Variants in RALYL observed in about 807,000 individuals in gnomAD.
The protein encoded by RALYL is RNA-binding Raly-like protein.
Under a neutral mutation model 35.1 loss-of-function variants are expected in RALYL, and 29 were observed. That is an observed-to-expected ratio of 0.83 (90% CI 0.61 to 1.13). RALYL has a LOEUF of 1.13. RALYL is among the 50% of genes most tolerant of loss of function. The pLI, the probability that RALYL is intolerant of heterozygous loss-of-function variation, is 0.00. For synonymous variants in RALYL, 120 were observed against 127.6 expected (o/e 0.94, Z 0.40); for missense variants, 359 against 360.4 (o/e 1.00, Z 0.03).
chr8:84,187,668 A>C (rs183979158), intron 1 of RALYL, among the ~76,000 whole-genome samples: 1 of 152,272 alleles, frequency 6.6e-6, no homozygotes, highest in East Asian at 1.9e-4. Flanking sequence ...TGCCTTAAGA[A>C]TATACAAATT....
chr8:84,879,833 C>A (rs571895594), intron 7 of RALYL, among the ~76,000 whole-genome samples: 94 of 151,964 alleles, frequency 6.2e-4, no homozygotes, highest in African/African-American at 2.2e-3. Flanking sequence ...GGAGTGCTTC[C>A]TGTAGTGCTT....
At chr8:84,322,242 A>G (rs1459384625) in intron 1 of RALYL, among the ~76,000 whole-genome samples, 1 of 152,132 alleles carries the variant, frequency 6.6e-6, no homozygotes, top group Non-Finnish European at 1.5e-5. Flanking sequence ...TGAAGTATCC[A>G]CCAAAGTAGA....
chr8:84,460,140 G>A (rs1374830233), intron 1 of RALYL, among the ~76,000 whole-genome samples: 6 of 151,676 alleles, frequency 4.0e-5, no homozygotes, highest in East Asian at 1.9e-4. Context: ...AATCTTGAAA[G>A]GATAAAATGG....
At chr8:84,650,459 A>T (rs1241571658) in intron 2 of RALYL, among the ~76,000 whole-genome samples, 181 of 152,258 alleles carry the variant, frequency 1.2e-3, no homozygotes, top group Non-Finnish European at 2.0e-3. Context: ...CAGCCAAAAA[A>T]CACATGAAAA....
At chr8:84,548,033 C>T (rs1318380482) in intron 2 of RALYL, among the ~76,000 whole-genome samples, 2 of 151,926 alleles carry the variant, frequency 1.3e-5, no homozygotes, top group East Asian at 3.9e-4. Context: ...AAAATGTGTT[C>T]CCTTAGTATA....
At chr8:84,731,232 G>T (rs1225359417) in intron 2 of RALYL, among the ~76,000 whole-genome samples, 1 of 152,118 alleles carries the variant, frequency 6.6e-6, no homozygotes, top group Non-Finnish European at 1.5e-5. Flanking sequence ...AGAATAGGAG[G>T]CTGAGATCTG....
chr8:84,657,464 G>A (rs1830165731), intron 2 of RALYL, among the ~76,000 whole-genome samples: 2 of 152,120 alleles, frequency 1.3e-5, no homozygotes, highest in East Asian at 1.9e-4. Flanking sequence ...TCTTGTTGGG[G>A]CTGACAGAAA....
intron 1 of RALYL, among the ~76,000 whole-genome samples, chr8:84,507,451 C>T (rs1193480436): frequency 4.6e-5 from 7 of 151,936 alleles, no homozygotes; most frequent in African/African-American, 9.7e-5. Flanking sequence ...GTGAGATAAA[C>T]GATCAGGCTT....
At chr8:84,644,516 G>GA (rs1247982311) in intron 2 of RALYL, among the ~76,000 whole-genome samples, 1 of 151,878 alleles carries the variant, frequency 6.6e-6, no homozygotes, top group Non-Finnish European at 1.5e-5. Context: ...ACATTCTTTA[G>GA]AAAAAAGAAA....
At chr8:84,223,515 A>G (rs909692510) in intron 1 of RALYL, among the ~76,000 whole-genome samples, 2 of 152,160 alleles carry the variant, frequency 1.3e-5, no homozygotes, top group Non-Finnish European at 2.9e-5. Context: ...GTGAGCAATG[A>G]TATGCAGAAA....
chr8:84,605,216 T>G (rs1379566876), intron 2 of RALYL, among the ~76,000 whole-genome samples: 2 of 152,108 alleles, frequency 1.3e-5, no homozygotes, highest in African/African-American at 2.4e-5. Flanking sequence ...AAAAGAACAT[T>G]ATATCTGAAC....
chr8:84,604,099 T>A (rs1816587295), intron 2 of RALYL, among the ~76,000 whole-genome samples: 1 of 152,128 alleles, frequency 6.6e-6, no homozygotes, highest in Non-Finnish European at 1.5e-5. Flanking sequence ...TCTTACCAAT[T>A]AAAAATGAAT....
chr8:84,325,774 T>C (rs111433291), intron 1 of RALYL, among the ~76,000 whole-genome samples: 4,130 of 152,336 alleles, frequency 0.027, 103 homozygotes, highest in Non-Finnish European at 0.031. Flanking sequence ...GGCTAGCAGA[T>C]AACTTTTGGT....
chr8:84,551,258 T>TA (rs1303465677), intron 2 of RALYL, among the ~76,000 whole-genome samples: 3 of 152,150 alleles, frequency 2.0e-5, no homozygotes, highest in Admixed American at 2.0e-4. Flanking sequence ...CAAGTTTCTT[T>TA]AACAACATAA....
chr8:84,896,475 T>C (rs554768616), intron 8 of RALYL, among the ~76,000 whole-genome samples: 1 of 152,288 alleles, frequency 6.6e-6, no homozygotes, highest in South Asian at 2.1e-4. Context: ...GCCAGGCTAT[T>C]TCATTGTACT....
chr8:84,747,838 A>G (rs1808984845), intron 2 of RALYL, among the ~76,000 whole-genome samples: 1 of 151,946 alleles, frequency 6.6e-6, no homozygotes, highest in East Asian at 1.9e-4. Flanking sequence ...TCACTTAATC[A>G]CATATTTGAG....
At chr8:84,518,017 T>C (rs555483271) in intron 1 of RALYL, among the ~76,000 whole-genome samples, 87 of 152,272 alleles carry the variant, frequency 5.7e-4, no homozygotes, top group Middle Eastern at 6.8e-3. Context: ...GGTTAAACAT[T>C]CTAAAAAACT....
At chr8:84,214,424 G>A (rs9298421) in intron 1 of RALYL, among the ~76,000 whole-genome samples, 41,205 of 151,778 alleles carry the variant, frequency 0.27, 5,880 homozygotes, top group African/African-American at 0.35. Flanking sequence ...ACTAAGTAGA[G>A]AATATATAAT....
chr8:84,515,238 T>C (rs1214962033), intron 1 of RALYL, among the ~76,000 whole-genome samples: 1 of 152,218 alleles, frequency 6.6e-6, no homozygotes, highest in African/African-American at 2.4e-5. Flanking sequence ...AAATATACTT[T>C]AGTAAAATAC....
Sources: allele counts gnomAD v4.1 joint callset (sites outside exome capture counted in the v4.1 genomes callset), GRCh38; gene constraint gnomAD v4.1.1; transcripts MANE v1.5; gene names NCBI Gene and HGNC (gene_info 2026-07-23, HGNC 2026-07-21).